Variants in PTPRN2 observed in about 807,000 individuals in gnomAD.
The protein encoded by PTPRN2 is protein tyrosine phosphatase receptor type N2.
A neutral mutation model predicts 118.8 loss-of-function variants in PTPRN2; 74 were observed. That is an observed-to-expected ratio of 0.62 (90% CI 0.52 to 0.76). The LOEUF is 0.76. Among genes scored for constraint, PTPRN2 ranks in the 30% least tolerant of loss-of-function variants. The pLI, the probability that PTPRN2 is intolerant of heterozygous loss-of-function variation, is 0.00. For synonymous variants in PTPRN2, 641 were observed against 608.0 expected, an observed-to-expected ratio of 1.05 and a Z score of -0.80; for missense variants, 1,481 against 1,394.4, an observed-to-expected ratio of 1.06 and a Z score of -0.99.
chr7:157,633,305 C>T lies in PTPRN2; in HGVS notation c.2197-11796G>A, dbSNP rs894784639. On this transcript the variant is annotated intron_variant, in intron 14 of 22. Coordinates refer to ENST00000389418, the MANE Select transcript of PTPRN2 (RefSeq NM_002847.5). Reference sequence around the variant, plus strand: ...ACAGGTGCAAACCATCATACGAAAACGAAATTTTTGTATTTTTAGTAGAGA... The same window carrying T: ...ACAGGTGCAAACCATCATACGAAAATGAAATTTTTGTATTTTTAGTAGAGA... 1.3e-4 allele frequency among the ~76,000 whole-genome samples: 20 copies of T among 152,132 alleles called. No individual in the cohort carries two copies. The South Asian group carries it at 2.9e-3, about 22-fold the overall frequency.
At chr7:157,637,303 C>T (rs1804378953) in intron 14 of PTPRN2, among the ~76,000 whole-genome samples, 1 of 152,168 alleles carries the variant, frequency 6.6e-6, no homozygotes, top group Admixed American at 6.5e-5. Flanking sequence ...CTTTACGTAA[C>T]TAAGCCCTGA....
chr7:157,690,335 A>T lies in PTPRN2; in HGVS notation c.1789-7398T>A, dbSNP rs1461410764. ...CCTGCGGCGAGGCAGAGACCCCCTGAACTGAGCTCTCCGACGCCCTAGTTG... is the reference window on the plus strand; with the variant it reads ...CCTGCGGCGAGGCAGAGACCCCCTGTACTGAGCTCTCCGACGCCCTAGTTG... On this transcript the variant is annotated intron_variant, in intron 12 of 22. Transcript: ENST00000389418. The surrounding 1 kb of genome is among the most constrained non-coding windows in gnomAD (Gnocchi z 7.1). Among the ~76,000 whole-genome samples, 2 of 152,280 alleles carry T rather than the reference A, an allele frequency of 1.3e-5. No individual in the cohort carries two copies. The highest frequency in any genetic ancestry group is 2.9e-5 in the Non-Finnish European group (2 of 68,002).
intron 17 of PTPRN2, among the ~76,000 whole-genome samples, chr7:157,589,839 G>A (rs1234235126): frequency 1.3e-5 from 2 of 152,212 alleles, no homozygotes; most frequent in African/African-American, 2.4e-5. Context: ...GACGCCAGCC[G>A]AGGCCAAGTT....
chr7:157,718,632 GC>G (rs1799056446), intron 12 of PTPRN2, among the ~76,000 whole-genome samples: 1 of 151,052 alleles, frequency 6.6e-6, no homozygotes, highest in Admixed American at 6.6e-5. Context: ...TCTCTCGGTG[GC>G]CCCGTGGTGA....
At chr7:158,311,985 AC>A (rs1412023690) in intron 3 of PTPRN2, among the ~76,000 whole-genome samples, 1 of 151,690 alleles carries the variant, frequency 6.6e-6, no homozygotes, top group African/African-American at 2.4e-5. Flanking sequence ...ACATGTAGAC[AC>A]CCACACACAT....
rs58229022 is a variant in PTPRN2 at position 158,242,674 on chromosome 7, T to G, written c.278-37401A>C. ...AAACATCCGTTCGTGGGCATTATTT[T>G]GGCTGAGACATTTTATTACTGATTC... On this transcript the variant is annotated intron_variant, in intron 3 of 22. Transcript: ENST00000389418. 4.5e-4 allele frequency among the ~76,000 whole-genome samples: 69 copies of G among 152,352 alleles called. 1 individual carries two copies. The highest frequency in any genetic ancestry group is 1.2e-3 in the African/African-American group (49 of 41,582).
In PTPRN2 at chr7:158,070,610, C is replaced by A. The variant is rs1375954464; in HGVS notation, c.1723+10688G>T. ...GGAGGTGCCTGTGGTGGAGGTGCTC[C>A]TGGTGGTGGAGGTGCCCCTGGTGGT... On this transcript the variant is annotated intron_variant, in intron 11 of 22. Transcript: ENST00000389418. Among the ~76,000 whole-genome samples the A allele has an allele frequency of 4.1e-4, 38 of 93,760 alleles. 3 individuals carry two copies. The highest frequency in any genetic ancestry group is 1.4e-3 in the African/African-American group (28 of 20,114). 61.5% of individuals were successfully genotyped at this position (93,760 alleles called of 152,430 possible).
chr7:157,761,934 A>G (rs1407643618), intron 12 of PTPRN2, among the ~76,000 whole-genome samples: 5 of 152,236 alleles, frequency 3.3e-5, no homozygotes, highest in African/African-American at 4.8e-5. Context: ...GTGGGCGAAG[A>G]ACATGAACAG....
chr7:158,328,696 C>T (rs1345288498), intron 2 of PTPRN2, among the ~76,000 whole-genome samples: 1 of 151,688 alleles, frequency 6.6e-6, no homozygotes, highest in African/African-American at 2.4e-5. Flanking sequence ...AGGCCAGCTT[C>T]CCTTGTGAGT....
At chr7:158,378,545 G>T (rs76757264) in intron 2 of PTPRN2, among the ~76,000 whole-genome samples, 4 of 152,204 alleles carry the variant, frequency 2.6e-5, no homozygotes, top group African/African-American at 7.2e-5. Context: ...CCTCTATTGC[G>T]AATGCCCTGA....
chr7:158,189,184 C>T (rs1277791650), intron 5 of PTPRN2, among the ~76,000 whole-genome samples: 4 of 152,164 alleles, frequency 2.6e-5, no homozygotes, highest in Admixed American at 6.5e-5. Flanking sequence ...GTGGATGTTG[C>T]GGCTGCTTGG....
intron 3 of PTPRN2, among the ~76,000 whole-genome samples, chr7:158,301,197 A>T (rs886692988): frequency 5.3e-5 from 8 of 152,158 alleles, no homozygotes; most frequent in African/African-American, 1.7e-4. Flanking sequence ...TTGATTTCTG[A>T]ACTAAGGACC....
intron 14 of PTPRN2, among the ~76,000 whole-genome samples, chr7:157,651,273 G>A (rs1483550401): frequency 2.6e-5 from 4 of 151,956 alleles, no homozygotes; most frequent in South Asian, 4.2e-4. Context: ...TTTTAATGTC[G>A]TCATCTGTGA....
In PTPRN2 at chr7:157,853,927, C is replaced by T. The variant is rs529906806; in HGVS notation, c.1788+44746G>A. 1.3e-3 allele frequency among the ~76,000 whole-genome samples: 203 copies of T among 152,252 alleles called. 2 individuals are homozygous for T. Among genetic ancestry groups the T allele is most frequent in the Non-Finnish European group, 2.1e-3 (144 of 68,028 alleles). On this transcript the variant is annotated intron_variant, in intron 12 of 22. Transcript: ENST00000389418. ...CTTATCAAAGGCGGAGATGCGGACA[C>T]GGGGCAGCCACAGGGAACACCGCGT... is the stretch of plus-strand genomic sequence containing the variant.
intron 2 of PTPRN2, among the ~76,000 whole-genome samples, chr7:158,392,109 AG>A (rs1363741098): frequency 6.6e-6 from 1 of 152,154 alleles, no homozygotes; most frequent in Non-Finnish European, 1.5e-5. Flanking sequence ...CCTTTGGCCA[AG>A]GGACAATGGC....
intron 3 of PTPRN2, among the ~76,000 whole-genome samples, chr7:158,257,707 C>G (rs1003229762): frequency 6.6e-6 from 1 of 152,256 alleles, no homozygotes; most frequent in African/African-American, 2.4e-5. Context: ...TCCTGGAGGA[C>G]TGACCAAGAC....
intron 12 of PTPRN2, among the ~76,000 whole-genome samples, chr7:157,707,361 C>T (rs1338620100): frequency 6.6e-6 from 1 of 152,116 alleles, no homozygotes; most frequent in African/African-American, 2.4e-5. Context: ...CCAACTCAAG[C>T]ACACATCACA....
At chr7:157,810,770 A>G (rs540390431) in intron 12 of PTPRN2, among the ~76,000 whole-genome samples, 1,578 of 139,196 alleles carry the variant, frequency 0.011, 39 homozygotes, top group African/African-American at 0.039. Context: ...ACTGCTGGGC[A>G]CAGGCTCTCC....
intron 3 of PTPRN2, among the ~76,000 whole-genome samples, chr7:158,226,271 G>A (rs1308431122): frequency 6.6e-6 from 1 of 152,100 alleles, no homozygotes; most frequent in Non-Finnish European, 1.5e-5. Context: ...GAACACTAGT[G>A]TGGATAGTTT....
Sources: allele counts gnomAD v4.1 joint callset (sites outside exome capture counted in the v4.1 genomes callset), GRCh38; gene constraint gnomAD v4.1.1; non-coding constraint Gnocchi (gnomAD v3.1); transcripts MANE v1.5; gene names NCBI Gene and HGNC (gene_info 2026-07-23, HGNC 2026-07-21).